The following GPHN variants were observed in gnomAD, a reference collection of about 807,000 sequenced individuals.
GPHN encodes the protein gephyrin.
GPHN carries 17 observed loss-of-function variants against 95.5 expected under a neutral mutation model. That is an observed-to-expected ratio of 0.18 (90% CI 0.12 to 0.27). GPHN has a LOEUF of 0.27. GPHN is among the 10% of genes least tolerant of loss of function. The pLI is 1.00. For missense variants in GPHN, 660 were observed against 978.1 expected (o/e 0.67, Z 4.34); for synonymous variants, 320 against 322.5 (o/e 0.99, Z 0.08).
chr14:66,783,665 A>G (rs2059679776), intron 3 of GPHN, among the ~76,000 whole-genome samples: 1 of 151,856 alleles, frequency 6.6e-6, no homozygotes, highest in African/African-American at 2.4e-5. Flanking sequence ...TCAACCATCT[A>G]CTCTCCCCAA....
chr14:67,139,092 G>A (rs367671167), intron 17 of GPHN, among the ~76,000 whole-genome samples: 25 of 151,420 alleles, frequency 1.7e-4, no homozygotes, highest in East Asian at 9.7e-4. Flanking sequence ...CCATGGTGGC[G>A]GACATTTGTA....
intron 3 of GPHN, among the ~76,000 whole-genome samples, chr14:66,791,097 G>A (rs2059954299): frequency 6.6e-6 from 1 of 152,152 alleles, no homozygotes; most frequent in South Asian, 2.1e-4. Context: ...AAGCATCCTT[G>A]CCTTTTATCA....
chr14:67,200,161 A>T, the GPHN span: 4 of 1,156,028 alleles, frequency 3.5e-6, no homozygotes, highest in Non-Finnish European at 4.9e-6. Context: ...CCCAGGTCCT[A>T]TGCCTCCACA....
chr14:67,088,897 C>A, intron 11 of GPHN, 86 bp from the exon 12 acceptor site: 1 of 778,534 alleles, frequency 1.3e-6, no homozygotes, highest in East Asian at 2.5e-5. Flanking sequence ...CTGTGTCAGA[C>A]AAGCACTCAT....
intron 1 of GPHN, among the ~76,000 whole-genome samples, chr14:66,512,878 A>G (rs775584979): frequency 6.6e-6 from 1 of 151,788 alleles, no homozygotes; most frequent in Non-Finnish European, 1.5e-5. Context: ...CCATTTATTG[A>G]TAAGGATATA....
intron 17 of GPHN, among the ~76,000 whole-genome samples, chr14:67,124,648 AC>A (rs964758640): frequency 6.6e-6 from 1 of 152,148 alleles, no homozygotes; most frequent in Non-Finnish European, 1.5e-5. Flanking sequence ...TGGAACAAAC[AC>A]CAGATTCTTA....
At chr14:67,389,041 G>A in the GPHN span, among the ~76,000 whole-genome samples, 713 of 151,704 alleles carry the variant, frequency 4.7e-3, 6 homozygotes, top group Middle Eastern at 0.031. Flanking sequence ...CACAAATCTA[G>A]TATGTGCCTA....
the GPHN span, among the ~76,000 whole-genome samples, chr14:67,242,627 AT>A: frequency 7.0e-3 from 1,021 of 146,254 alleles, 9 homozygotes; most frequent in Non-Finnish European, 8.2e-3. Flanking sequence ...AAGAACTACG[AT>A]TTTTTTTTTT....
intron 2 of GPHN, among the ~76,000 whole-genome samples, chr14:66,731,668 A>G (rs1327274897): frequency 1.3e-5 from 2 of 152,210 alleles, no homozygotes; most frequent in East Asian, 3.9e-4. Context: ...ATGGGGAGAA[A>G]TTGAAGCCCA....
the GPHN span, among the ~76,000 whole-genome samples, chr14:67,256,892 A>G: frequency 6.6e-6 from 1 of 152,108 alleles, no homozygotes; most frequent in African/African-American, 2.4e-5. Flanking sequence ...TTTTTACCAA[A>G]GAATGTGGGT....
At chr14:66,663,105 C>T (rs777810140) in intron 1 of GPHN, among the ~76,000 whole-genome samples, 20 of 152,120 alleles carry the variant, frequency 1.3e-4, no homozygotes, top group Admixed American at 5.9e-4. Context: ...GACCAACATT[C>T]GATTTCAGGA....
the GPHN span, chr14:67,348,850 T>C: frequency 4.9e-6 from 3 of 607,574 alleles, no homozygotes; most frequent in Non-Finnish European, 8.4e-6. Flanking sequence ...TTCACTTCTA[T>C]ACAAAAGTCA....
the GPHN span, among the ~76,000 whole-genome samples, chr14:67,219,567 A>T: frequency 7.9e-5 from 12 of 152,334 alleles, no homozygotes; most frequent in Non-Finnish European, 1.3e-4. Context: ...ATAGCTTTTT[A>T]AAACATTAAA....
Position 66,924,278 on chromosome 14 carries a change from T to A in GPHN, c.814T>A (p.Ser272Thr), listed in dbSNP as rs960957890. 1 of 1,596,760 alleles carries A rather than the reference T, an allele frequency of 6.3e-7. No homozygotes were observed. The highest frequency in any genetic ancestry group is 1.3e-5 in the African/African-American group (1 of 74,608). ...IPGLINYSHH[S>T]TDERIPDSII... ...TGGTCTCATCAATTATTCCCATCAT[T>A]CAACAGATGAACGGGTAAGACAAGA... is the stretch of plus-strand genomic sequence containing the variant. The change falls in exon 8 of 23, where the codon TCA becomes ACA. Residue 272 changes from serine to threonine, a missense_variant. Around this residue, in one of 6 missense-constraint regions of GPHN, gnomAD observed 190 missense variants for 224.7 expected, o/e 0.85. Transcript: ENST00000478722.
the GPHN span, chr14:67,647,964 G>A: frequency 7.4e-7 from 1 of 1,351,380 alleles, no homozygotes; most frequent in Non-Finnish European, 1.0e-6. Context: ...AAATCAAGGA[G>A]TTGCAACCAT....
the GPHN span, chr14:67,392,846 G>A: frequency 8.1e-6 from 13 of 1,609,028 alleles, no homozygotes; most frequent in East Asian, 4.5e-5. Flanking sequence ...CACCAGGGAG[G>A]AGCCTGGCCA....
intron 16 of GPHN, among the ~76,000 whole-genome samples, chr14:67,114,080 T>G (rs1211689400): frequency 6.6e-6 from 1 of 152,224 alleles, no homozygotes; most frequent in African/African-American, 2.4e-5. Context: ...TATGACATTA[T>G]AGTCCTTTTG....
chr14:67,273,457 CT>C, the GPHN span, among the ~76,000 whole-genome samples: 1 of 152,192 alleles, frequency 6.6e-6, no homozygotes, highest in Middle Eastern at 3.4e-3. Flanking sequence ...TGAACTCATC[CT>C]TTTTTATGGC....
chr14:66,853,005 T>G (rs1271049253), intron 4 of GPHN, among the ~76,000 whole-genome samples: 1 of 152,242 alleles, frequency 6.6e-6, no homozygotes, highest in Non-Finnish European at 1.5e-5. Flanking sequence ...CATTAATTGG[T>G]GAAAGGCTTC....
Sources: allele counts gnomAD v4.1 joint callset (sites outside exome capture counted in the v4.1 genomes callset), GRCh38; gene constraint gnomAD v4.1.1; regional missense constraint gnomAD v4.1.1; transcripts MANE v1.5; gene names NCBI Gene and HGNC (gene_info 2026-07-23, HGNC 2026-07-21).